The following FHIT variants were observed in gnomAD, a reference collection of about 807,000 sequenced individuals.
The protein encoded by FHIT is bis(5'-adenosyl)-triphosphatase.
FHIT carries 19 observed loss-of-function variants against 17.9 expected under a neutral mutation model. The observed-to-expected ratio is 1.06, with a 90% CI of 0.74 to 1.56. The LOEUF is 1.56. FHIT is among the 40% of genes most tolerant of loss of function. The probability of loss-of-function intolerance (pLI) is 0.00; values close to 1 mark genes in which losing one functional copy is unlikely to be tolerated. For missense variants in FHIT, 248 were observed against 189.2 expected (o/e 1.31, Z -1.82); for synonymous variants, 81 against 69.7 (o/e 1.16, Z -0.81).
chr3:60,160,770 G>A (rs1700904022), intron 5 of FHIT, among the ~76,000 whole-genome samples: 1 of 152,020 alleles, frequency 6.6e-6, no homozygotes, highest in South Asian at 2.1e-4. Flanking sequence ...ATAACACATT[G>A]TTACTTGTAA....
intron 7 of FHIT, among the ~76,000 whole-genome samples, chr3:59,993,529 C>T (rs1265562732): frequency 6.6e-6 from 1 of 152,010 alleles, no homozygotes; most frequent in Non-Finnish European, 1.5e-5. Context: ...GCCTCTCTAC[C>T]TTCCCAGTTT....
intron 8 of FHIT, among the ~76,000 whole-genome samples, chr3:59,804,162 G>A (rs957686422): frequency 6.6e-6 from 1 of 152,198 alleles, no homozygotes; most frequent in African/African-American, 2.4e-5. Flanking sequence ...TTATGTCCTT[G>A]TCTCTGGTTC....
intron 5 of FHIT, among the ~76,000 whole-genome samples, chr3:60,451,983 G>A (rs369550767): frequency 2.6e-5 from 4 of 152,182 alleles, no homozygotes; most frequent in African/African-American, 9.6e-5. Context: ...AATTCAGTGG[G>A]CCTAACTCCA....
chr3:59,982,039 T>C (rs1409847778), intron 7 of FHIT, among the ~76,000 whole-genome samples: 1 of 146,270 alleles, frequency 6.8e-6, no homozygotes, highest in Non-Finnish European at 1.5e-5. Context: ...CTTTGACCAC[T>C]AAGCACTGGC....
intron 5 of FHIT, among the ~76,000 whole-genome samples, chr3:60,139,663 C>CA (rs1197461168): frequency 1.3e-5 from 2 of 152,056 alleles, no homozygotes; most frequent in Non-Finnish European, 2.9e-5. Flanking sequence ...GGGGCTATTC[C>CA]ACTTTGTATT....
At chr3:59,974,647 A>G (rs1708332011) in intron 7 of FHIT, among the ~76,000 whole-genome samples, 1 of 152,170 alleles carries the variant, frequency 6.6e-6, no homozygotes, top group Non-Finnish European at 1.5e-5. Flanking sequence ...CGGGCAGAGA[A>G]TATCAACTTT....
intron 5 of FHIT, among the ~76,000 whole-genome samples, chr3:60,049,038 T>C (rs1701767892): frequency 6.6e-6 from 1 of 152,188 alleles, no homozygotes. Flanking sequence ...AGATGTCACT[T>C]GGATTTTCCT....
At chr3:59,778,488 TG>T (rs1702429121) in intron 8 of FHIT, among the ~76,000 whole-genome samples, 1 of 152,144 alleles carries the variant, frequency 6.6e-6, no homozygotes, top group African/African-American at 2.4e-5. Flanking sequence ...GGTAAGCAAA[TG>T]TTTTACTGTA....
chr3:60,410,762 G>A (rs530571692), intron 5 of FHIT, among the ~76,000 whole-genome samples: 1 of 152,210 alleles, frequency 6.6e-6, no homozygotes, highest in African/African-American at 2.4e-5. Context: ...GAGGATTCAA[G>A]ACCCTAAAAT....
intron 4 of FHIT, among the ~76,000 whole-genome samples, chr3:60,640,355 C>T (rs565500376): frequency 1.3e-5 from 2 of 152,072 alleles, no homozygotes; most frequent in East Asian, 3.9e-4. Context: ...AGATAAGTTG[C>T]TGTATTATTC....
At chr3:60,714,125 C>G (rs1311155852) in intron 4 of FHIT, among the ~76,000 whole-genome samples, 3 of 152,096 alleles carry the variant, frequency 2.0e-5, no homozygotes, top group Non-Finnish European at 4.4e-5. Context: ...AAGGCTGGTT[C>G]AATATACGCA....
intron 4 of FHIT, among the ~76,000 whole-genome samples, chr3:60,558,093 G>GCC (rs2036804555): frequency 6.6e-6 from 1 of 151,940 alleles, no homozygotes; most frequent in Non-Finnish European, 1.5e-5. Flanking sequence ...GAGTTGTGTT[G>GCC]GCATCACTTG....
intron 3 of FHIT, among the ~76,000 whole-genome samples, chr3:60,943,186 T>C (rs998698469): frequency 1.8e-4 from 28 of 152,264 alleles, no homozygotes; most frequent in African/African-American, 6.5e-4. Flanking sequence ...GATTTATCAG[T>C]GTCTGAGAGA....
At chr3:60,659,689 A>G (rs1449510577) in intron 4 of FHIT, among the ~76,000 whole-genome samples, 1 of 151,688 alleles carries the variant, frequency 6.6e-6, no homozygotes, top group Non-Finnish European at 1.5e-5. Flanking sequence ...TACTTTTTCC[A>G]TATCTTTTAG....
chr3:61,005,083 T>A (rs1464836574), intron 3 of FHIT, among the ~76,000 whole-genome samples: 2 of 152,156 alleles, frequency 1.3e-5, no homozygotes, highest in Non-Finnish European at 2.9e-5. Context: ...TTGCTATATA[T>A]CCCATCTTAT....
At chr3:60,431,244 T>C (rs1335993772) in intron 5 of FHIT, among the ~76,000 whole-genome samples, 1 of 151,916 alleles carries the variant, frequency 6.6e-6, no homozygotes, top group Non-Finnish European at 1.5e-5. Flanking sequence ...GACCATTAAC[T>C]TCATTCTATC....
chr3:60,286,858 A>G (rs1392898886), intron 5 of FHIT, among the ~76,000 whole-genome samples: 1 of 152,172 alleles, frequency 6.6e-6, no homozygotes. Flanking sequence ...CAATTTGGGA[A>G]TATAAATTCA....
At chr3:60,786,634 A>G (rs1553727061) in intron 4 of FHIT, among the ~76,000 whole-genome samples, 1 of 152,252 alleles carries the variant, frequency 6.6e-6, no homozygotes, top group African/African-American at 2.4e-5. Context: ...GTGTCTAATT[A>G]ACTTTTATAT....
intron 4 of FHIT, among the ~76,000 whole-genome samples, chr3:60,563,854 A>AGCAGCAAGTGCTAATACAGAAGCT (rs2037040612): frequency 6.6e-6 from 1 of 152,224 alleles, no homozygotes; most frequent in African/African-American, 2.4e-5. Context: ...GTCGAGGTGA[A>AGCAGCAAGTGCTAATACAGAAGCT]GCAGCAAGTG....
Sources: allele counts gnomAD v4.1 joint callset (sites outside exome capture counted in the v4.1 genomes callset), GRCh38; gene constraint gnomAD v4.1.1; transcripts MANE v1.5; gene names NCBI Gene and HGNC (gene_info 2026-07-23, HGNC 2026-07-21).